The following PNCK variants were observed in gnomAD, a reference collection of about 807,000 sequenced individuals.
PNCK encodes pregnancy up-regulated nonubiquitous CaM kinase.
PNCK carries 21 observed loss-of-function variants against 28.3 expected under a neutral mutation model. That is an observed-to-expected ratio of 0.74 (90% confidence interval 0.53 to 1.07). The LOEUF is 1.07. Ranked by LOEUF, PNCK falls within the 50% of genes least tolerant of loss-of-function variation. The probability of loss-of-function intolerance (pLI) is 0.00; values close to 1 mark genes in which losing one functional copy is unlikely to be tolerated. For missense variants in PNCK, 250 were observed against 298.3 expected (o/e 0.84, Z 1.19); for synonymous variants, 136 against 125.2 (o/e 1.09, Z -0.58).
intron 1 of PNCK, 81 bp downstream of exon 1, chrX:153,673,699 C>A: frequency 1.8e-6 from 1 of 562,963 alleles, no homozygotes; most frequent in Non-Finnish European, 2.1e-6. Context: ...GTGCTGCGGA[C>A]GCGCAAGGCT....
upstream of PNCK, among the ~76,000 whole-genome samples, chrX:153,679,281 G>T (rs1261069872): frequency 9.1e-6 from 1 of 109,855 alleles, no homozygotes; most frequent in Non-Finnish European, 1.9e-5. Flanking sequence ...GCTGTACCTC[G>T]TCACATTCTC....
upstream of PNCK, among the ~76,000 whole-genome samples, chrX:153,676,940 G>A (rs961483087): frequency 9.0e-6 from 1 of 111,029 alleles, no homozygotes. Context: ...TTGTGCCACC[G>A]GGGAACAAAC....
chrX:153,678,588 G>A (rs952763675), upstream of PNCK, among the ~76,000 whole-genome samples: 52 of 112,494 alleles, frequency 4.6e-4, no homozygotes, highest in African/African-American at 1.4e-3. Flanking sequence ...CTGGTGGGGG[G>A]TGATCTTATC....
intron 1 of PNCK, among the ~76,000 whole-genome samples, chrX:153,680,163 G>A (rs1436996911): frequency 9.1e-6 from 1 of 110,083 alleles, no homozygotes; most frequent in Non-Finnish European, 1.9e-5. Flanking sequence ...TGGTGGTGAT[G>A]TGATACGGTT....
At position 153,672,860 on chromosome X, in the gene PNCK, C is replaced by G. The variant is rs1557040512; in HGVS notation, c.68+149G>C. Reference sequence around the variant, plus strand: ...CCACTCACACATGCCATCTCACAGACTCACTCACATTCACACACCCCTACA... The same window carrying G: ...CCACTCACACATGCCATCTCACAGAGTCACTCACATTCACACACCCCTACA... On this transcript the variant is annotated intron_variant, in intron 2 of 11. Transcript: ENST00000340888. 3 of 928,284 alleles carry G rather than the reference C, an allele frequency of 3.2e-6. No individual in the cohort carries two copies. The Admixed American group carries it at 8.5e-5, about 26-fold the overall frequency. The allele number at this position is 928,284 out of a possible 1,213,427, so 76.5% of individuals were successfully genotyped here.
intron 1 of PNCK, 101 bp from the exon 2 acceptor site, chrX:153,673,179 C>T: frequency 8.5e-7 from 1 of 1,180,890 alleles, no homozygotes; most frequent in South Asian, 1.9e-5. Flanking sequence ...TCAGCCATTG[C>T]CGCTGCGCGC....
rs1228328130 is a variant in PNCK, at chrX:153,673,687, G to A, written c.-3+93C>T. On this transcript the variant is annotated intron_variant, in intron 1 of 11. Transcript: ENST00000340888. ...GCAGGGGGCGCGCCAGGCGTGACAG[G>A]TGTGCTGCGGACGCGCAAGGCTGCG... The A allele has an allele frequency of 3.6e-5, 18 of 498,363 alleles. No homozygotes were observed. The Admixed American group carries it at 9.1e-4, about 25-fold the overall frequency. 41.1% of individuals were successfully genotyped at this position (498,363 alleles called of 1,213,427 possible). A position where few individuals can be genotyped will look rare whatever the true frequency, so the allele number is the denominator to read the frequency against.
At chrX:153,675,987 C>CTTTTTTTTTTTTTTTTTTTTT (rs59527995), upstream of PNCK, among the ~76,000 whole-genome samples, 2 of 79,973 alleles carry the variant, frequency 2.5e-5, no homozygotes, top group African/African-American at 4.6e-5. Context: ...TTTTTCTTTT[C>CTTTTTTTTTTTTTTTTTTTTT]TTTTTTTTTT....
At chrX:153,676,636 G>A (rs781818415), upstream of PNCK, among the ~76,000 whole-genome samples, 2 of 111,683 alleles carry the variant, frequency 1.8e-5, no homozygotes, top group South Asian at 7.4e-4. Context: ...GGCCAAGGTG[G>A]GCAAATCACC....
Position 153,669,840 on chromosome X carries a change from G to A in PNCK, c.*298C>T. Reference sequence around the variant, plus strand: ...ACTCAGCGAAGCACACAACAGCCGTGCAGGAAAGACAGCCCCTGAGGCCCG... The same window carrying A: ...ACTCAGCGAAGCACACAACAGCCGTACAGGAAAGACAGCCCCTGAGGCCCG... On this transcript the variant is annotated 3_prime_UTR_variant, in exon 12 of 12. Coordinates refer to ENST00000340888, the MANE Select transcript of PNCK (RefSeq NM_001366977.1). 1 of 342,917 alleles carries A rather than the reference G, an allele frequency of 2.9e-6. No individual in the cohort carries two copies. Among genetic ancestry groups the A allele is most frequent in the South Asian group, 2.6e-5 (1 of 38,601 alleles). 28.3% of individuals were successfully genotyped at this position (342,917 alleles called of 1,213,427 possible).
upstream of PNCK, among the ~76,000 whole-genome samples, chrX:153,677,600 AGT>A (rs1341031033): frequency 1.0e-5 from 1 of 97,631 alleles, no homozygotes; most frequent in South Asian, 4.5e-4. Context: ...ATATATATAT[AGT>A]GTGTATATAT....
chrX:153,685,838 T>C (rs1239571856), intron 1 of PNCK, among the ~76,000 whole-genome samples: 1 of 112,898 alleles, frequency 8.9e-6, no homozygotes, highest in Non-Finnish European at 1.9e-5. Context: ...GAGGAGGAGT[T>C]CACAGTCACT....
At chrX:153,686,646 C>T (rs2091421301) in intron 1 of PNCK, 1 of 112,462 alleles carries the variant, frequency 8.9e-6, no homozygotes, top group Admixed American at 9.3e-5. Flanking sequence ...CCCCTGTCTC[C>T]AGACCAGCTT....
intron 1 of PNCK, among the ~76,000 whole-genome samples, chrX:153,681,371 C>G (rs781818923): frequency 1.8e-5 from 2 of 111,679 alleles, no homozygotes; most frequent in Non-Finnish European, 3.8e-5. Flanking sequence ...AGAGACCCGA[C>G]AAACAGGACC....
At chrX:153,679,930 T>C (rs782249107) in intron 1 of PNCK, among the ~76,000 whole-genome samples, 33 of 110,588 alleles carry the variant, frequency 3.0e-4, no homozygotes, top group Admixed American at 2.9e-4. Flanking sequence ...TGTGTACCCA[T>C]AGTCTCAGTT....
rs2041090651 is a variant in PNCK at position 153,669,954 on chromosome X, G to T, written c.*184C>A. The T allele has an allele frequency of 6.0e-6, 2 of 332,898 alleles. No individual in the cohort carries two copies. The highest frequency in any genetic ancestry group is 1.2e-5 in the Non-Finnish European group (2 of 166,115). The allele number at this position is 332,898 out of a possible 1,213,427, so 27.4% of individuals were successfully genotyped here. On this transcript the variant is annotated 3_prime_UTR_variant, in exon 12 of 12. Coordinates refer to ENST00000340888, the MANE Select transcript of PNCK (RefSeq NM_001366977.1). ...GAGGGGAGCCACTGCCCCCAGGCAG[G>T]GCAGAGCCTGGGGACAGACTTGGGG...
chrX:153,680,923 G>C (rs1407578403), intron 1 of PNCK, among the ~76,000 whole-genome samples: 1 of 109,218 alleles, frequency 9.2e-6, no homozygotes, highest in African/African-American at 3.3e-5. Context: ...CAGCTACTTG[G>C]GGGGCTGAAG....
chrX:153,687,014 A>G (rs1157465350), intron 1 of PNCK: 1 of 136,445 alleles, frequency 7.3e-6, no homozygotes, highest in Non-Finnish European at 1.5e-5. Flanking sequence ...GGCCAGGACA[A>G]TGACCACTTC....
In PNCK at chrX:153,671,181, C is replaced by T. The variant is rs200166394; in HGVS notation, c.624G>A (p.Gly208=). Residue 208 remains glycine (G), a synonymous_variant, in exon 8 of 12, where the codon GGG becomes GGA. Coordinates refer to ENST00000340888, the MANE Select transcript of PNCK (RefSeq NM_001366977.1). ...LGVISYILLC[G]YPPFYDESDP... is the part of the protein sequence containing the mutation. Reference sequence around the variant, plus strand: ...CGCTCTCGTCGTAGAAGGGGGGGTACCCACACAGCCTGGCACCCACAGATG... The same window carrying T: ...CGCTCTCGTCGTAGAAGGGGGGGTATCCACACAGCCTGGCACCCACAGATG... 17 of 1,210,154 alleles carry T rather than the reference C, an allele frequency of 1.4e-5. No homozygotes were observed. The East Asian group carries it at 4.7e-4, about 34-fold the overall frequency.
Sources: gnomAD v4.1 joint callset for allele counts (sites outside exome capture counted in the v4.1 genomes callset) on GRCh38, gnomAD v4.1.1 for gene constraint, MANE v1.5 for transcripts, NCBI Gene and HGNC (gene_info 2026-07-23, HGNC 2026-07-21) for gene names.